The following PGF variants were observed in gnomAD, a reference collection of about 807,000 sequenced individuals.
PGF encodes the protein placental growth factor, also known as placenta growth factor.
A neutral mutation model predicts 25.3 loss-of-function variants in PGF; 11 were observed. The ratio of observed to expected loss-of-function variants is 0.43; its 90% CI spans 0.27 to 0.72. The LOEUF is 0.72. PGF is among the 30% of genes least tolerant of loss of function. PGF has a pLI of 0.18. For missense variants in PGF, 230 were observed against 234.9 expected, an observed-to-expected ratio of 0.98 and a Z score of 0.14; for synonymous variants, 105 against 97.9, an observed-to-expected ratio of 1.07 and a Z score of -0.43.
chr14:74,946,267 G>A lies in PGF; in HGVS notation c.431C>T (p.Pro144Leu), dbSNP rs1166363796. 2 of 1,614,026 alleles carry A rather than the reference G, an allele frequency of 1.2e-6. No individual in the cohort carries two copies. The highest frequency in any genetic ancestry group is 2.7e-5 in the African/African-American group (2 of 74,904). Residue 144 changes from proline to leucine, a missense_variant, in exon 6 of 7, where the codon CCC (proline) becomes CTC (leucine). By Grantham distance (98) the Pro-to-Leu change is moderately conservative. Coordinates refer to ENST00000555567, the MANE Select transcript of PGF (RefSeq NM_002632.6). Reference sequence around the variant, plus strand: ...TCTCCTCCTCTTCCCCCTGCCCTTGGGTCTCCTCCTGCAATAAGCCAAGCG... The same window carrying A: ...TCTCCTCCTCTTCCCCCTGCCCTTGAGTCTCCTCCTGCAATAAGCCAAGCG... ...REKMKPERRR[P>L]KGRGKRRREK...
chr14:74,948,441 T>C, intron 4 of PGF, 66 bp downstream of exon 4: 1 of 1,006,398 alleles, frequency 9.9e-7, no homozygotes, highest in African/African-American at 1.6e-5. Flanking sequence ...CTGGGACCCA[T>C]CTTTGCTGAG....
In PGF at chr14:74,946,269, TCTC is replaced by T. The variant is rs1213204478; in HGVS notation, c.426_428del (p.Arg143del). The T allele has an allele frequency of 8.1e-6, 13 of 1,614,074 alleles. No individual in the cohort carries two copies. In the East Asian group the frequency reaches 2.0e-4, roughly 25 times the overall value. On this transcript the variant is annotated inframe_deletion, in exon 6 of 7. Transcript: ENST00000555567. ...TCCTCCTCTTCCCCCTGCCCTTGGGTCTCCTCCTGCAATAAGCCAAGCGTCAGG... is the reference window on the plus strand; with the variant it reads ...TCCTCCTCTTCCCCCTGCCCTTGGGTCTCCTGCAATAAGCCAAGCGTCAGG...
rs766185999 is a variant in PGF at position 74,946,332 on chromosome 14, G to A, written c.422+47C>T. On this transcript the variant is annotated intron_variant, in intron 5 of 6. Coordinates refer to ENST00000555567, the MANE Select transcript of PGF (RefSeq NM_002632.6). ...CTGGGGAACCCCATGCTAGGACAGA[G>A]GCTGGCAGGCCCGAGAATAGCCCCG... The A allele has an allele frequency of 3.1e-6, 5 of 1,613,906 alleles. No homozygotes were observed. The African/African-American group carries it at 6.7e-5, about 22-fold the overall frequency.
chr14:74,945,834 G>C (rs983632739), intron 6 of PGF: 1 of 218,194 alleles, frequency 4.6e-6, no homozygotes. Context: ...ATCACTAAAA[G>C]GTAAACACTA....
chr14:74,955,124 A>ACCC lies in PGF; in HGVS notation c.75+43_75+44insGGG, dbSNP rs1230650108. The ACCC allele has an allele frequency of 3.5e-6, 4 of 1,145,718 alleles. No homozygotes were observed. Among genetic ancestry groups the ACCC allele is most frequent in the Non-Finnish European group, 4.8e-6 (4 of 838,772 alleles). The allele number at this position is 1,145,718 out of a possible 1,614,324, so 71.0% of individuals were successfully genotyped here. Reference sequence around the variant, plus strand: ...AGAGTCCCATGCTTCCAGTGCTGGGATGGGGAGGTCTGGGGAGCCAGGCTA... The same window carrying ACCC: ...AGAGTCCCATGCTTCCAGTGCTGGGACCCTGGGGAGGTCTGGGGAGCCAGGCTA... On this transcript the variant is annotated intron_variant, in intron 1 of 6. Coordinates refer to ENST00000555567, the MANE Select transcript of PGF (RefSeq NM_002632.6). This position sits in a 1 kb window ranked among gnomAD's most constrained non-coding sequence, Gnocchi z 4.1.
intron 6 of PGF, 82 bp downstream of exon 6, chr14:74,946,131 C>A (rs529638254): frequency 2.6e-5 from 34 of 1,324,860 alleles, no homozygotes; most frequent in East Asian, 2.5e-4. Flanking sequence ...GCCTCTCCCC[C>A]TCCCCAACCT....
intron 6 of PGF, among the ~76,000 whole-genome samples, chr14:74,944,227 C>T (rs186894861): frequency 6.6e-5 from 10 of 151,468 alleles, no homozygotes; most frequent in East Asian, 3.9e-4. Flanking sequence ...CTCAGCCTCC[C>T]GAGTAGCTGG....
At chr14:74,944,345 G>A (rs915261919) in intron 6 of PGF, among the ~76,000 whole-genome samples, 13 of 151,934 alleles carry the variant, frequency 8.6e-5, no homozygotes, top group South Asian at 2.1e-4. Flanking sequence ...CTTGCGATCC[G>A]CCCGCCTTGG....
intron 6 of PGF, among the ~76,000 whole-genome samples, chr14:74,944,252 A>G (rs7151911): frequency 0.029 from 4,411 of 151,572 alleles, 122 homozygotes; most frequent in African/African-American, 0.066. Context: ...ATAGGCACCC[A>G]CCACCACACC....
intron 6 of PGF, 41 bp from the exon 7 acceptor site, chr14:74,942,774 CTG>C (rs1292581914): frequency 6.3e-7 from 1 of 1,592,952 alleles, no homozygotes; most frequent in Admixed American, 1.8e-5. Context: ...TATCAGCACA[CTG>C]TGGAGGGTGC....
At chr14:74,942,822 G>A in intron 6 of PGF, 89 bp from the exon 7 acceptor site, 1 of 1,292,020 alleles carries the variant, frequency 7.7e-7, no homozygotes, top group Admixed American at 2.5e-5. Flanking sequence ...AGGCCCAGAG[G>A]AGGAGCTTGG....
chr14:74,944,969 T>C (rs1888695293), intron 6 of PGF: 2 of 149,936 alleles, frequency 1.3e-5, no homozygotes, highest in South Asian at 4.2e-4. Context: ...TCACCCAGGC[T>C]GGAGTGCAGT....
Position 74,942,669 on chromosome 14 carries a change from G to T in PGF, c.*37C>A. On this transcript the variant is annotated 3_prime_UTR_variant, in exon 7 of 7. Transcript: ENST00000555567. ...AAGAGTGTGACGGTAATAAATACACGAGCCGGGTGCGGGGTCTCTCTCCTC... is the reference window on the plus strand; with the variant it reads ...AAGAGTGTGACGGTAATAAATACACTAGCCGGGTGCGGGGTCTCTCTCCTC... The T allele has an allele frequency of 6.2e-7, 1 of 1,604,802 alleles. No homozygotes were observed. Among genetic ancestry groups the T allele is most frequent in the Non-Finnish European group, 8.5e-7 (1 of 1,173,758 alleles).
rs756579004 is a variant in PGF at position 74,949,423 on chromosome 14, G to A, written c.249C>T (p.Cys83=). 3.7e-6 allele frequency: 6 copies of A among 1,610,692 alleles called. No individual in the cohort carries two copies. The highest frequency in any genetic ancestry group is 4.2e-6 in the Non-Finnish European group (5 of 1,178,684). The change falls in exon 3 of 7, where the codon TGC becomes TGT. Residue 83 remains cysteine, a synonymous_variant. Coordinates refer to ENST00000555567, the MANE Select transcript of PGF (RefSeq NM_002632.6). ...FSPSCVSLLR[C]TGCCGDENLH... ...GATTCTCATCGCCGCAGCAGCCGGTGCAGCGCAGCAGGGAGACACAGGATG... is the reference window on the plus strand; with the variant it reads ...GATTCTCATCGCCGCAGCAGCCGGTACAGCGCAGCAGGGAGACACAGGATG...
rs1227555553 is a variant in PGF at position 74,949,475 on chromosome 14, G to A, written c.197C>T (p.Pro66Leu). 6.2e-7 allele frequency: 1 copy of A among 1,612,012 alleles called. No homozygotes were observed. The highest frequency in any genetic ancestry group is 1.3e-5 in the African/African-American group (1 of 74,860). ...GCTGAACATGTGCTCCACCTCGCTG[G>A]GGTACTCGGACACGACGTCCACCAG... The part of the protein sequence containing the change: ...ERLVDVVSEY[P>L]SEVEHMFSPS... Residue 66 changes from proline (P) to leucine (L), a missense_variant, in exon 3 of 7, where the codon CCC becomes CTC. Transcript: ENST00000555567.
At chr14:74,951,336 G>T (rs1000209830) in intron 2 of PGF, among the ~76,000 whole-genome samples, 5 of 152,218 alleles carry the variant, frequency 3.3e-5, no homozygotes, top group African/African-American at 1.2e-4. Context: ...CGCCCAAAGT[G>T]CAGGGAAGCC....
chr14:74,949,648 C>G (rs1888829477), intron 2 of PGF, 95 bp from the exon 3 acceptor site: 2 of 933,328 alleles, frequency 2.1e-6, no homozygotes, highest in African/African-American at 3.4e-5. Flanking sequence ...CTTCCAGGTT[C>G]AGCCCCCAGC....
chr14:74,949,070 C>T (rs955064899), intron 3 of PGF, among the ~76,000 whole-genome samples: 2 of 152,198 alleles, frequency 1.3e-5, no homozygotes, highest in Non-Finnish European at 2.9e-5. Context: ...CCAAATGCTC[C>T]TGGTGTCAAC....
At chr14:74,952,674 G>A (rs190014383) in intron 2 of PGF, among the ~76,000 whole-genome samples, 18 of 152,262 alleles carry the variant, frequency 1.2e-4, no homozygotes, top group East Asian at 1.9e-4. Context: ...TACTTCTCCC[G>A]GTCAGATTGC....
Sources: allele counts gnomAD v4.1 joint callset (sites outside exome capture counted in the v4.1 genomes callset), GRCh38; gene constraint gnomAD v4.1.1; non-coding constraint Gnocchi (gnomAD v3.1); transcripts MANE v1.5; gene names NCBI Gene and HGNC (gene_info 2026-07-23, HGNC 2026-07-21).